KIAA1217: variants seen among roughly 807,000 people sequenced by gnomAD.
The protein encoded by KIAA1217 is sickle tail protein homolog.
A neutral mutation model predicts 163.9 loss-of-function variants in KIAA1217; 88 were observed. That is an observed-to-expected ratio of 0.54 (90% CI 0.45 to 0.64). KIAA1217 has a LOEUF of 0.64. Among genes scored for constraint, KIAA1217 ranks in the 30% least tolerant of loss-of-function variants. The pLI is 0.00. For missense variants in KIAA1217, 2,372 were observed against 2,475.0 expected, an observed-to-expected ratio of 0.96 and a Z score of 0.88; for synonymous variants, 903 against 923.1, an observed-to-expected ratio of 0.98 and a Z score of 0.39.
chr10:23,745,360 T>C (rs1318856627), intron 1 of KIAA1217, among the ~76,000 whole-genome samples: 3 of 152,208 alleles, frequency 2.0e-5, no homozygotes, highest in East Asian at 3.9e-4. Context: ...CTGGACAGAA[T>C]GTTTGTGCTA....
At chr10:23,972,812 A>G (rs1255743596) in intron 1 of KIAA1217, among the ~76,000 whole-genome samples, 2 of 152,206 alleles carry the variant, frequency 1.3e-5, no homozygotes, top group Non-Finnish European at 2.9e-5. Flanking sequence ...TTGCAGGGAC[A>G]TGGATGAAGC....
intron 1 of KIAA1217, among the ~76,000 whole-genome samples, chr10:23,703,373 T>C (rs1182062386): frequency 3.3e-5 from 5 of 152,208 alleles, no homozygotes; most frequent in South Asian, 2.1e-4. Context: ...CTTTATACCA[T>C]GGCGTCCCAT....
intron 2 of KIAA1217, among the ~76,000 whole-genome samples, chr10:24,378,193 A>G (rs2052777492): frequency 6.6e-6 from 1 of 152,220 alleles, no homozygotes; most frequent in Non-Finnish European, 1.5e-5. Context: ...CCTCTGTCCC[A>G]GATCTAAATT....
intron 2 of KIAA1217, among the ~76,000 whole-genome samples, chr10:24,325,099 C>A (rs942644834): frequency 1.3e-5 from 2 of 151,974 alleles, no homozygotes; most frequent in Non-Finnish European, 2.9e-5. Flanking sequence ...AAAGAACAAT[C>A]CATAGTCACC....
chr10:23,740,904 G>C (rs891926816), intron 1 of KIAA1217, among the ~76,000 whole-genome samples: 13 of 152,078 alleles, frequency 8.5e-5, no homozygotes, highest in African/African-American at 3.1e-4. Flanking sequence ...CTCCAGCCTG[G>C]GGGACAGAGC....
chr10:24,399,829 G>A (rs569338805), intron 3 of KIAA1217, among the ~76,000 whole-genome samples: 7 of 152,230 alleles, frequency 4.6e-5, no homozygotes, highest in South Asian at 2.1e-4. Flanking sequence ...CCACAAACAC[G>A]TAGCGACCCA....
chr10:24,248,261 T>C (rs939012835), intron 2 of KIAA1217, among the ~76,000 whole-genome samples: 1 of 152,202 alleles, frequency 6.6e-6, no homozygotes, highest in East Asian at 1.9e-4. Context: ...AACCATCCCA[T>C]GTTTGCTTTG....
chr10:24,288,375 C>T (rs1025415647), intron 2 of KIAA1217, among the ~76,000 whole-genome samples: 6 of 152,188 alleles, frequency 3.9e-5, no homozygotes, highest in Admixed American at 2.6e-4. Context: ...TACTATTTAG[C>T]GCAGTCCATA....
intron 5 of KIAA1217, among the ~76,000 whole-genome samples, chr10:24,443,181 C>T (rs1045453604): frequency 3.3e-5 from 5 of 152,116 alleles, no homozygotes; most frequent in Non-Finnish European, 7.4e-5. Context: ...AAATTACAGG[C>T]GTGGGCTACT....
chr10:24,540,462 G>C (rs962544478), intron 17 of KIAA1217, among the ~76,000 whole-genome samples: 2 of 152,106 alleles, frequency 1.3e-5, no homozygotes, highest in Non-Finnish European at 2.9e-5. Flanking sequence ...TCGAACTCCT[G>C]ACCTCATGAT....
intron 3 of KIAA1217, among the ~76,000 whole-genome samples, chr10:24,404,585 A>C (rs1361256845): frequency 6.6e-6 from 1 of 151,456 alleles, no homozygotes; most frequent in African/African-American, 2.4e-5. Context: ...AAAAAAAAAA[A>C]AAAAAAAACT....
At chr10:23,816,403 C>T (rs1837315827) in intron 1 of KIAA1217, among the ~76,000 whole-genome samples, 1 of 152,026 alleles carries the variant, frequency 6.6e-6, no homozygotes, top group Admixed American at 6.6e-5. Context: ...AGCAATTCTC[C>T]TGCCTCAGCC....
chr10:24,000,952 A>G (rs1461736715), intron 1 of KIAA1217, among the ~76,000 whole-genome samples: 1 of 152,186 alleles, frequency 6.6e-6, no homozygotes, highest in Non-Finnish European at 1.5e-5. Context: ...GATGGCCTGA[A>G]CTTTTGAATG....
At chr10:23,707,529 G>A (rs1017279993) in intron 1 of KIAA1217, among the ~76,000 whole-genome samples, 2 of 152,086 alleles carry the variant, frequency 1.3e-5, no homozygotes, top group African/African-American at 2.4e-5. Context: ...AAGTGGGAGC[G>A]AAACAATGGC....
chr10:24,282,130 G>A lies in KIAA1217; in HGVS notation c.354+62221G>A, dbSNP rs373525259. Among the ~76,000 whole-genome samples the A allele has an allele frequency of 1.2e-3, 188 of 152,264 alleles. 2 individuals carry two copies. Among genetic ancestry groups the A allele is most frequent in the African/African-American group, 4.0e-3 (168 of 41,554 alleles). On this transcript the variant is annotated intron_variant, in intron 2 of 20. Coordinates refer to ENST00000376454, the MANE Select transcript of KIAA1217 (RefSeq NM_019590.5). ...TGCCTATAATCCCAGTACTTTGGGA[G>A]GCTAAGGCAGGAGGAGCTCTTGAAG...
chr10:23,906,254 G>GCA (rs150497888), intron 1 of KIAA1217, among the ~76,000 whole-genome samples: 31,847 of 148,700 alleles, frequency 0.21, 3,515 homozygotes, highest in Middle Eastern at 0.33. Flanking sequence ...ACCATAGGAA[G>GCA]CACACACACA....
intron 2 of KIAA1217, among the ~76,000 whole-genome samples, chr10:24,012,490 C>A (rs1160835884): frequency 6.6e-6 from 1 of 152,116 alleles, no homozygotes; most frequent in East Asian, 1.9e-4. Context: ...TAAAGAGAAG[C>A]AGTAGGAAAG....
chr10:23,846,808 G>A (rs1483981222), intron 1 of KIAA1217, among the ~76,000 whole-genome samples: 2 of 152,084 alleles, frequency 1.3e-5, no homozygotes, highest in African/African-American at 4.8e-5. Context: ...TCCTTGTCTT[G>A]TGCCGGTTTT....
rs1385487434 is a variant in KIAA1217, at chr10:23,704,164, GTGTGTGTGTATATATATA to G, written c.-321+8932_-321+8949del. Among the ~76,000 whole-genome samples the G allele has an allele frequency of 6.0e-4, 48 of 80,596 alleles. 1 individual carries two copies. The highest frequency in any genetic ancestry group is 2.6e-3 in the African/African-American group (44 of 16,862). 52.9% of individuals were successfully genotyped at this position (80,596 alleles called of 152,430 possible). ...TGTGTGTATGTGTGTGTGTGTGTGTGTGTGTGTGTATATATATATATATATATATATATATATATATAT... is the reference window on the plus strand; with the variant it reads ...TGTGTGTATGTGTGTGTGTGTGTGTGTATATATATATATATATATATATAT... On this transcript the variant is annotated intron_variant, in intron 1 of 18. Transcript: ENST00000376462.
Sources: allele counts gnomAD v4.1 joint callset (sites outside exome capture counted in the v4.1 genomes callset), GRCh38; gene constraint gnomAD v4.1.1; transcripts MANE v1.5; gene names NCBI Gene and HGNC (gene_info 2026-07-23, HGNC 2026-07-21).